EP400: variants seen among roughly 807,000 people sequenced by gnomAD.
EP400 encodes the protein E1A binding protein p400, also known as E1A-binding protein p400.
A neutral mutation model predicts 354.1 loss-of-function variants in EP400; 105 were observed. The observed-to-expected ratio is 0.30, with a 90% CI of 0.25 to 0.35. The LOEUF (loss-of-function observed/expected upper bound fraction) is 0.35, where lower values mean the gene tolerates loss of function less well. Among genes scored for constraint, EP400 ranks in the 10% least tolerant of loss-of-function variants. The pLI, the probability that EP400 is intolerant of heterozygous loss-of-function variation, is 1.00. For missense variants in EP400, 3,280 were observed against 4,121.0 expected (o/e 0.80, Z 5.59); for synonymous variants, 1,646 against 1,716.9 (o/e 0.96, Z 1.02).
At position 132,077,463 on chromosome 12, in the gene EP400, C is replaced by T; in HGVS notation, c.9162C>T (p.Ile3054=). The T allele has an allele frequency of 1.9e-6, 3 of 1,613,384 alleles. No individual in the cohort carries two copies. The highest frequency in any genetic ancestry group is 2.5e-6 in the Non-Finnish European group (3 of 1,180,008). The change falls in exon 53 of 53, where the codon ATC becomes ATT. Residue 3054 remains isoleucine (I), a synonymous_variant. Transcript: ENST00000389561. ...ATAAGQQVQM[I]PAVTATAQVV... ...CGGCCGGGCAGCAGGTGCAGATGAT[C>T]CCTGCAGTGACCGCGACTGCCCAGG...
At chr12:132,073,874 C>G (rs1034247187) in intron 51 of EP400, among the ~76,000 whole-genome samples, 1 of 144,382 alleles carries the variant, frequency 6.9e-6, no homozygotes, top group Non-Finnish European at 1.5e-5. Flanking sequence ...TCCTGAGAGA[C>G]AGTTTTGCTT....
In EP400 at chr12:131,982,268, T is replaced by C; in HGVS notation, c.1719T>C (p.Ser573=). Residue 573 remains serine, a synonymous_variant, in exon 5 of 53, where the codon TCT becomes TCC. Coordinates refer to ENST00000389561, the MANE Select transcript of EP400 (RefSeq NM_015409.5). ...PAGVPTAALS[S]ALQFAQQPQV... is the part of the protein sequence containing the mutation. ...GTGTTCCCACTGCAGCCCTCTCCTC[T>C]GCGCTGCAGTTTGCACAGCAGCCGC... The C allele has an allele frequency of 6.2e-7, 1 of 1,614,174 alleles. No homozygotes were observed. Among genetic ancestry groups the C allele is most frequent in the Non-Finnish European group, 8.5e-7 (1 of 1,180,024 alleles).
At chr12:132,043,269 T>C in intron 32 of EP400, 35 bp from the exon 33 acceptor site, 1 of 1,585,752 alleles carries the variant, frequency 6.3e-7, no homozygotes, top group South Asian at 1.2e-5. Context: ...ATTTAAAAAG[T>C]CTATCAAGGC....
intron 24 of EP400, 101 bp downstream of exon 24, chr12:132,024,042 G>C: frequency 7.8e-7 from 1 of 1,286,692 alleles, no homozygotes; most frequent in Non-Finnish European, 1.0e-6. Context: ...TAAGTGTCAG[G>C]CTTTTCCCTG....
rs1315194563 is a variant in EP400, at chr12:132,054,331, T to G, written c.7729-643T>G. ...TTTGCTGTAGTGGAATTTTTATATG[T>G]ACTCAGGCAACTTCATTCCTCATTT... is the stretch of plus-strand genomic sequence containing the variant. On this transcript the variant is annotated intron_variant, in intron 43 of 52. Transcript: ENST00000389561. This position sits in a 1 kb window ranked among gnomAD's most constrained non-coding sequence, Gnocchi z 4.0. Among the ~76,000 whole-genome samples the G allele has an allele frequency of 3.9e-5, 6 of 152,256 alleles. No homozygotes were observed. Among genetic ancestry groups the G allele is most frequent in the African/African-American group, 1.4e-4 (6 of 41,464 alleles).
chr12:132,040,164 G>A (rs1156927621), intron 32 of EP400, among the ~76,000 whole-genome samples: 3 of 152,128 alleles, frequency 2.0e-5, no homozygotes, highest in African/African-American at 7.2e-5. Context: ...AAAACCACAG[G>A]AGGTACCAAC....
rs1215990070 is a variant in EP400 at position 132,005,087 on chromosome 12, C to T, written c.2838C>T (p.Pro946=). 3.8e-6 allele frequency: 6 copies of T among 1,582,368 alleles called. No homozygotes were observed. Among genetic ancestry groups the T allele is most frequent in the African/African-American group, 1.3e-5 (1 of 74,438 alleles). Residue 946 remains proline (P), a synonymous_variant, in exon 13 of 53, where the codon CCC becomes CCT. Coordinates refer to ENST00000389561, the MANE Select transcript of EP400 (RefSeq NM_015409.5). Reference sequence around the variant, plus strand: ...CGCAACCCTCTGCAGCTGAGCTGCCCCTCCTGGACCTGATGAAGCTGTACG... The same window carrying T: ...CGCAACCCTCTGCAGCTGAGCTGCCTCTCCTGGACCTGATGAAGCTGTACG... The part of the protein sequence containing the change: ...LSNLAKEAEL[P]LLDLMKLYEG...
chr12:131,978,746 C>T (rs1892568853), intron 2 of EP400, among the ~76,000 whole-genome samples: 2 of 152,146 alleles, frequency 1.3e-5, no homozygotes, highest in South Asian at 4.1e-4. Context: ...CTGCTGACCT[C>T]AAGCGATCCT....
chr12:132,042,611 T>A (rs1225332570), intron 32 of EP400, among the ~76,000 whole-genome samples: 1 of 152,236 alleles, frequency 6.6e-6, no homozygotes, highest in Non-Finnish European at 1.5e-5. Context: ...TTGAGGGTTT[T>A]GCCAGATTGC....
intron 15 of EP400, among the ~76,000 whole-genome samples, chr12:132,007,824 C>A (rs1231743089): frequency 6.6e-6 from 1 of 152,178 alleles, no homozygotes; most frequent in African/African-American, 2.4e-5. Context: ...GCGATGACCC[C>A]ATGGGTGCTC....
chr12:132,028,304 T>C lies in EP400; in HGVS notation c.5381+16T>C. On this transcript the variant is annotated intron_variant, in intron 27 of 52. Coordinates refer to ENST00000389561, the MANE Select transcript of EP400 (RefSeq NM_015409.5). ...TTATTGACAGGTACTGCAGACCTCG[T>C]GACCTTTTCGGTGCTCTCTGGCTGC... The C allele has an allele frequency of 1.9e-6, 3 of 1,606,428 alleles. No homozygotes were observed. The highest frequency in any genetic ancestry group is 2.6e-6 in the Non-Finnish European group (3 of 1,173,382).
chr12:132,012,769 G>T (rs1317351103), intron 16 of EP400, among the ~76,000 whole-genome samples: 1 of 152,144 alleles, frequency 6.6e-6, no homozygotes, highest in African/African-American at 2.4e-5. Context: ...GTAATTGTCA[G>T]CGCCTGCAAA....
At position 132,053,387 on chromosome 12, in the gene EP400, G is replaced by GGCCCCCCCCCCCCCCCCC; in HGVS notation, c.7518_7519insGCCCCCCCCCCCCCCCCC (p.Gln2506_Pro2507insAlaProProProProPro). The GGCCCCCCCCCCCCCCCCC allele has an allele frequency of 1.3e-6, 2 of 1,546,958 alleles. No individual in the cohort carries two copies. The highest frequency in any genetic ancestry group is 2.3e-5 in the East Asian group (1 of 43,406). ...AGGCACAGCAGCCGGCCGTGGCCCA[G>GGCCCCCCCCCCCCCCCCC]CCACCCCCGCCCCAGCCGCAGCCCC... On this transcript the variant is annotated inframe_insertion, in exon 43 of 53. Transcript: ENST00000389561.
chr12:131,984,502 C>T (rs924295828), intron 5 of EP400, among the ~76,000 whole-genome samples: 3 of 152,132 alleles, frequency 2.0e-5, no homozygotes, highest in African/African-American at 4.8e-5. Flanking sequence ...TTGAGAAAGG[C>T]GACACATGCC....
intron 12 of EP400, among the ~76,000 whole-genome samples, chr12:132,003,217 A>G (rs887673061): frequency 8.6e-5 from 13 of 151,418 alleles, no homozygotes; most frequent in African/African-American, 2.7e-4. Flanking sequence ...CAGCCAACCA[A>G]AAAAACCCCC....
intron 41 of EP400, chr12:132,051,081 G>A (rs911523716): frequency 6.1e-5 from 14 of 230,760 alleles, no homozygotes; most frequent in Non-Finnish European, 1.0e-4. Flanking sequence ...ATGAATGGAT[G>A]GGTACAGAAG....
At chr12:131,954,074 C>T (rs924247489) in intron 1 of EP400, among the ~76,000 whole-genome samples, 5 of 152,052 alleles carry the variant, frequency 3.3e-5, no homozygotes, top group Non-Finnish European at 5.9e-5. Context: ...GATTGCGCCG[C>T]AGCACTCGAG....
intron 12 of EP400, among the ~76,000 whole-genome samples, chr12:131,999,639 G>C (rs568576109): frequency 6.6e-6 from 1 of 151,814 alleles, no homozygotes; most frequent in Admixed American, 6.6e-5. Flanking sequence ...GGGTTTTACC[G>C]TGTTGCCCAG....
intron 48 of EP400, 89 bp downstream of exon 48, chr12:132,064,975 G>A (rs1224130920): frequency 4.0e-6 from 6 of 1,502,816 alleles, no homozygotes; most frequent in Non-Finnish European, 4.4e-6. Context: ...CGTGTCACGT[G>A]TTACAGGAGT....
Sources: gnomAD v4.1 joint callset for allele counts (sites outside exome capture counted in the v4.1 genomes callset) on GRCh38, gnomAD v4.1.1 for gene constraint, Gnocchi (gnomAD v3.1) non-coding constraint, MANE v1.5 for transcripts, NCBI Gene and HGNC (gene_info 2026-07-23, HGNC 2026-07-21) for gene names.